The following PLXNA2 variants were observed in gnomAD, a reference collection of about 807,000 sequenced individuals.
PLXNA2 encodes plexin-A2.
In PLXNA2, 91 loss-of-function variants were observed where a neutral mutation model predicts 193.5. The observed-to-expected ratio is 0.47, with a 90% confidence interval of 0.40 to 0.56. PLXNA2 has a LOEUF of 0.56. Among genes scored for constraint, PLXNA2 ranks in the 20% least tolerant of loss-of-function variants. The pLI is 0.00. For missense variants in PLXNA2, 1,995 were observed against 2,503.2 expected, an observed-to-expected ratio of 0.80 and a Z score of 4.33; for synonymous variants, 997 against 1,027.3, an observed-to-expected ratio of 0.97 and a Z score of 0.56.
At chr1:208,108,363 C>T (rs984878383) in intron 4 of PLXNA2, among the ~76,000 whole-genome samples, 2 of 152,152 alleles carry the variant, frequency 1.3e-5, no homozygotes, top group Non-Finnish European at 2.9e-5. Flanking sequence ...CCTCAGAGGC[C>T]CTAAGAGTGA....
At chr1:208,114,291 C>G (rs1172353699) in intron 4 of PLXNA2, among the ~76,000 whole-genome samples, 1 of 152,188 alleles carries the variant, frequency 6.6e-6, no homozygotes, top group Non-Finnish European at 1.5e-5. Flanking sequence ...ATCCTTGATA[C>G]TTCCCTTAGA....
chr1:208,233,741 G>A (rs1008653026), intron 1 of PLXNA2, among the ~76,000 whole-genome samples: 1 of 152,236 alleles, frequency 6.6e-6, no homozygotes, highest in Admixed American at 6.5e-5. Flanking sequence ...GCCTCTTCAA[G>A]CTGTGAATGC....
At chr1:208,055,843 ACT>A (rs1399448575) in intron 13 of PLXNA2, among the ~76,000 whole-genome samples, 3 of 152,238 alleles carry the variant, frequency 2.0e-5, no homozygotes, top group African/African-American at 7.2e-5. Context: ...CCAAATAACT[ACT>A]TTCACTCCTA....
At chr1:208,225,781 T>C (rs1285106930) in intron 1 of PLXNA2, among the ~76,000 whole-genome samples, 1 of 152,192 alleles carries the variant, frequency 6.6e-6, no homozygotes, top group African/African-American at 2.4e-5. Flanking sequence ...CATCTGACCA[T>C]CTACAAGCTC....
chr1:208,217,199 A>G lies in PLXNA2; in HGVS notation c.724T>C (p.Phe242Leu). The change falls in exon 2 of 32, where the codon TTC (phenylalanine) becomes CTC (leucine). Residue 242 changes from phenylalanine (F) to leucine (L), a missense_variant. Phe to Leu is a conservative substitution (Grantham distance 22). Transcript: ENST00000367033. The surrounding 1 kb of genome is among the most constrained non-coding windows in gnomAD (Gnocchi z 4.7). ...TLALVSHFDI[F>L]YIYGFASGGF... The stretch of plus-strand genomic sequence containing the variant: ...CCACTAGCAAAGCCGTAGATGTAGA[A>G]GATGTCAAAGTGGGAGACCAGGGCC... The G allele has an allele frequency of 6.2e-7, 1 of 1,614,178 alleles. No homozygotes were observed. Among genetic ancestry groups the G allele is most frequent in the South Asian group, 1.1e-5 (1 of 91,084 alleles).
At chr1:208,104,488 G>T (rs1667198584) in intron 4 of PLXNA2, among the ~76,000 whole-genome samples, 1 of 152,194 alleles carries the variant, frequency 6.6e-6, no homozygotes, top group African/African-American at 2.4e-5. Flanking sequence ...GTGTGGGATT[G>T]CTGTGAGTGC....
rs1421246240 is a variant in PLXNA2 at position 208,179,875 on chromosome 1, C to G, written c.1371+30405G>C. 2.6e-5 allele frequency among the ~76,000 whole-genome samples: 4 copies of G among 152,172 alleles called. No homozygotes were observed. In the South Asian group the frequency reaches 6.2e-4, roughly 24 times the overall value. On this transcript the variant is annotated intron_variant, in intron 3 of 31. Transcript: ENST00000367033. ...CCTTCTACAGTATCCCCTGCCACCC[C>G]CCAACCCCTGCCTAAGGCATCTTTC...
rs529641486 is a variant in PLXNA2, at chr1:208,093,007, C to T, written c.1983-107G>A. 5.7e-6 allele frequency: 4 copies of T among 704,492 alleles called. No individual in the cohort carries two copies. In the South Asian group the frequency reaches 7.7e-5, roughly 14 times the overall value. The allele number at this position is 704,492 out of a possible 1,614,324, so 43.6% of individuals were successfully genotyped here. Reference sequence around the variant, plus strand: ...CCTGTGTTTAAATCCTAGTCTCATTCTCAGGAGGGAAGACTGGTGGGCCAT... The same window carrying T: ...CCTGTGTTTAAATCCTAGTCTCATTTTCAGGAGGGAAGACTGGTGGGCCAT... On this transcript the variant is annotated intron_variant, in intron 8 of 31. Transcript: ENST00000367033.
chr1:208,209,259 A>G (rs964224105), intron 3 of PLXNA2, among the ~76,000 whole-genome samples: 2 of 152,178 alleles, frequency 1.3e-5, no homozygotes, highest in African/African-American at 4.8e-5. Flanking sequence ...GAACAAGCAG[A>G]ACATAGAAAT....
At chr1:208,056,014 C>A (rs549730915) in intron 13 of PLXNA2, among the ~76,000 whole-genome samples, 47 of 152,330 alleles carry the variant, frequency 3.1e-4, no homozygotes, top group African/African-American at 1.1e-3. Flanking sequence ...TAGTGATGAT[C>A]AATTAATATT....
chr1:208,136,714 C>G (rs1264909307), intron 4 of PLXNA2, among the ~76,000 whole-genome samples: 1 of 152,172 alleles, frequency 6.6e-6, no homozygotes, highest in Non-Finnish European at 1.5e-5. Flanking sequence ...TTTGGCCAGG[C>G]CAGAGGCTTC....
chr1:208,141,524 C>T (rs1438426570), intron 4 of PLXNA2, among the ~76,000 whole-genome samples: 1 of 152,068 alleles, frequency 6.6e-6, no homozygotes, highest in Non-Finnish European at 1.5e-5. Context: ...TTTTACTTAC[C>T]CTGTTAAGAA....
Position 208,054,465 on chromosome 1 carries a change from T to C in PLXNA2, c.2812A>G (p.Lys938Glu). The C allele has an allele frequency of 2.5e-6, 4 of 1,614,234 alleles. No homozygotes were observed. The highest frequency in any genetic ancestry group is 3.4e-6 in the Non-Finnish European group (4 of 1,180,034). The stretch of plus-strand genomic sequence containing the variant: ...TGGGACTTCGTCATGAACTCTGGCT[T>C]ACACTCGCCAATACACAGGCGTACT... ...GPVRLCIGEC[K>E]PEFMTKSHQQ... Residue 938 changes from lysine (K) to glutamate (E), a missense_variant, in exon 14 of 32, where the codon AAG becomes GAG. Lys to Glu is a moderately conservative substitution (Grantham distance 56, BLOSUM62 1). Coordinates refer to ENST00000367033, the MANE Select transcript of PLXNA2 (RefSeq NM_025179.4).
At chr1:208,219,649 T>C (rs981720586) in intron 1 of PLXNA2, among the ~76,000 whole-genome samples, 2 of 152,214 alleles carry the variant, frequency 1.3e-5, no homozygotes, top group African/African-American at 4.8e-5. Flanking sequence ...AGAGTTTCTT[T>C]AGGAACGACC....
At chr1:208,229,321 G>T (rs1671614663) in intron 1 of PLXNA2, among the ~76,000 whole-genome samples, 1 of 152,168 alleles carries the variant, frequency 6.6e-6, no homozygotes, top group African/African-American at 2.4e-5. Flanking sequence ...TCTCCCCACT[G>T]AATTAGAGGC....
At chr1:208,107,874 C>T (rs573988901) in intron 4 of PLXNA2, among the ~76,000 whole-genome samples, 118 of 152,096 alleles carry the variant, frequency 7.8e-4, no homozygotes, top group African/African-American at 2.7e-3. Flanking sequence ...CCCCAGGACC[C>T]GCAGTGCTGC....
At chr1:208,095,632 G>C (rs899940285) in intron 8 of PLXNA2, among the ~76,000 whole-genome samples, 2 of 152,046 alleles carry the variant, frequency 1.3e-5, no homozygotes, top group Admixed American at 6.5e-5. Context: ...TCGCTATCTC[G>C]GAGTCCCTCT....
chr1:208,045,843 C>T, intron 18 of PLXNA2, 35 bp downstream of exon 18: 3 of 1,610,512 alleles, frequency 1.9e-6, no homozygotes, highest in Non-Finnish European at 1.7e-6. Context: ...GCATTGCTGC[C>T]CCTGGTGGCA....
chr1:208,070,146 G>A (rs911184137), intron 12 of PLXNA2, among the ~76,000 whole-genome samples: 2 of 152,192 alleles, frequency 1.3e-5, no homozygotes, highest in African/African-American at 2.4e-5. Flanking sequence ...CCTGCTCTTC[G>A]CTTCTGTCTG....
Sources: allele counts gnomAD v4.1 joint callset (sites outside exome capture counted in the v4.1 genomes callset), GRCh38; gene constraint gnomAD v4.1.1; non-coding constraint Gnocchi (gnomAD v3.1); transcripts MANE v1.5; gene names NCBI Gene and HGNC (gene_info 2026-07-23, HGNC 2026-07-21).